The following LRP1B variants were observed in gnomAD, a reference collection of about 807,000 sequenced individuals.
LRP1B encodes the protein low-density lipoprotein receptor-related protein 1B.
A neutral mutation model predicts 556.6 loss-of-function variants in LRP1B; 217 were observed. The observed-to-expected ratio is 0.39, with a 90% CI of 0.35 to 0.44. The LOEUF (loss-of-function observed/expected upper bound fraction) is 0.44. LRP1B is among the 20% of genes least tolerant of loss of function. LRP1B has a pLI of 1.00. For synonymous variants in LRP1B, 2,047 were observed against 1,865.8 expected (o/e 1.10, Z -2.50); for missense variants, 5,053 against 5,620.8 (o/e 0.90, Z 3.23).
At chr2:140,516,454 C>T (rs2104937332) in intron 50 of LRP1B, among the ~76,000 whole-genome samples, 1 of 152,122 alleles carries the variant, frequency 6.6e-6, no homozygotes, top group Non-Finnish European at 1.5e-5. Flanking sequence ...CTTGAGCATC[C>T]ATGGATTTTG....
intron 3 of LRP1B, among the ~76,000 whole-genome samples, chr2:141,325,753 T>C (rs1046985769): frequency 8.6e-5 from 13 of 152,034 alleles, no homozygotes; most frequent in Non-Finnish European, 1.8e-4. Flanking sequence ...GAGTTGGCCT[T>C]TAAGGATTAG....
intron 2 of LRP1B, among the ~76,000 whole-genome samples, chr2:141,563,349 T>A (rs1448640728): frequency 6.6e-6 from 1 of 151,810 alleles, no homozygotes. Flanking sequence ...TGGAAATAAA[T>A]AAATTGCCAA....
intron 31 of LRP1B, among the ~76,000 whole-genome samples, chr2:140,834,424 G>A (rs1691828299): frequency 6.6e-6 from 1 of 152,144 alleles, no homozygotes; most frequent in Non-Finnish European, 1.5e-5. Flanking sequence ...ATTTTCAGTA[G>A]AGACGAGGTT....
chr2:140,651,054 G>A (rs1313826703), intron 41 of LRP1B, among the ~76,000 whole-genome samples: 1 of 151,966 alleles, frequency 6.6e-6, no homozygotes, highest in Non-Finnish European at 1.5e-5. Context: ...ACATGTACAA[G>A]TATCACTCTG....
intron 1 of LRP1B, among the ~76,000 whole-genome samples, chr2:142,043,923 C>A (rs1704150146): frequency 6.6e-6 from 1 of 151,662 alleles, no homozygotes; most frequent in South Asian, 2.1e-4. Context: ...TTAATAATTA[C>A]AAACTTTTCC....
chr2:141,269,357 A>G (rs1655016270), intron 3 of LRP1B, among the ~76,000 whole-genome samples: 1 of 152,212 alleles, frequency 6.6e-6, no homozygotes, highest in Admixed American at 6.5e-5. Flanking sequence ...TTTATTGCAT[A>G]AGACTATTTT....
At chr2:141,443,314 T>C (rs1483937222) in intron 3 of LRP1B, among the ~76,000 whole-genome samples, 1 of 152,214 alleles carries the variant, frequency 6.6e-6, no homozygotes, top group Non-Finnish European at 1.5e-5. Flanking sequence ...AAGTTTCTTA[T>C]AGATTCTGTA....
At chr2:140,360,707 C>CTTAAG (rs1442417246) in intron 72 of LRP1B, among the ~76,000 whole-genome samples, 2 of 151,464 alleles carry the variant, frequency 1.3e-5, no homozygotes, top group Non-Finnish European at 3.0e-5. Context: ...TTCTTAGCTC[C>CTTAAG]TTAAGTTTCT....
intron 2 of LRP1B, among the ~76,000 whole-genome samples, chr2:141,746,177 A>T (rs1335993441): frequency 6.6e-6 from 1 of 151,978 alleles, no homozygotes. Flanking sequence ...GCGTGCCCCC[A>T]AGTCCACTGG....
chr2:140,665,605 G>A (rs948650707), intron 41 of LRP1B, among the ~76,000 whole-genome samples: 2 of 151,990 alleles, frequency 1.3e-5, no homozygotes, highest in African/African-American at 2.4e-5. Flanking sequence ...GTTCATTATT[G>A]CAGAGCTTTT....
intron 3 of LRP1B, among the ~76,000 whole-genome samples, chr2:141,274,557 A>G (rs1685211402): frequency 6.6e-6 from 1 of 152,164 alleles, no homozygotes; most frequent in South Asian, 2.1e-4. Flanking sequence ...ATATTGTGGG[A>G]AAATGAGGAG....
intron 2 of LRP1B, among the ~76,000 whole-genome samples, chr2:141,492,805 G>C (rs1270857692): frequency 6.6e-6 from 1 of 152,092 alleles, no homozygotes; most frequent in African/African-American, 2.4e-5. Context: ...AAATATACCA[G>C]TCCTGAATCA....
rs1190814401 is a variant in LRP1B, at chr2:140,702,464, C to T, written c.6113G>A (p.Gly2038Glu). The T allele has an allele frequency of 2.5e-6, 4 of 1,613,552 alleles. No homozygotes were observed. The highest frequency in any genetic ancestry group is 3.4e-6 in the Non-Finnish European group (4 of 1,179,702). ...GGAGATGCCATTCGGCCATGCTATT[C>T]CCATGCTTACAAGGACAACCTTCTC... ...GSEKVVLVSM[G>E]IAWPNGISID... Residue 2038 changes from glycine (G) to glutamate (E), a missense_variant, in exon 38 of 91, where the codon GGA becomes GAA. Physicochemically the swap from Gly to Glu is moderately conservative, Grantham distance 98. Transcript: ENST00000389484.
At chr2:140,662,036 C>T (rs1010517266) in intron 41 of LRP1B, among the ~76,000 whole-genome samples, 1 of 151,338 alleles carries the variant, frequency 6.6e-6, no homozygotes, top group African/African-American at 2.4e-5. Flanking sequence ...GTAACTCTAA[C>T]GAACAAGAAT....
chr2:142,007,570 CTA>C (rs1702840036), intron 1 of LRP1B, among the ~76,000 whole-genome samples: 1 of 152,114 alleles, frequency 6.6e-6, no homozygotes. Context: ...AGGAAAGAAT[CTA>C]TTTATTTTTT....
At chr2:141,115,455 T>TTAG (rs1398142670) in intron 7 of LRP1B, among the ~76,000 whole-genome samples, 1 of 97,112 alleles carries the variant, frequency 1.0e-5, no homozygotes, top group African/African-American at 3.6e-5. Context: ...GGTTTTTGTT[T>TTAG]TTGTTTTTTT....
At chr2:140,787,558 A>ATTTTTT (rs756825067) in intron 32 of LRP1B, among the ~76,000 whole-genome samples, 509 of 44,656 alleles carry the variant, frequency 0.011, 51 homozygotes, top group African/African-American at 0.014. Context: ...AAAACAGAAG[A>ATTTTTT]TTTTTTTTTT....
chr2:141,528,003 T>C (rs1456758449), intron 2 of LRP1B, among the ~76,000 whole-genome samples: 3 of 152,136 alleles, frequency 2.0e-5, no homozygotes, highest in African/African-American at 4.8e-5. Context: ...AAAACAGTCA[T>C]CTGCCCCTCT....
chr2:141,950,923 G>A (rs1040110736), intron 1 of LRP1B, among the ~76,000 whole-genome samples: 4 of 152,036 alleles, frequency 2.6e-5, no homozygotes, highest in Non-Finnish European at 5.9e-5. Context: ...CTCCACATCT[G>A]TAAAATTTGC....
Sources: gnomAD v4.1 joint callset for allele counts (sites outside exome capture counted in the v4.1 genomes callset) on GRCh38, gnomAD v4.1.1 for gene constraint, MANE v1.5 for transcripts, NCBI Gene and HGNC (gene_info 2026-07-23, HGNC 2026-07-21) for gene names.